The following TPRG1 variants were observed in gnomAD, a reference collection of about 807,000 sequenced individuals.
TPRG1 encodes the protein tumor protein p63 regulated 1.
Under a neutral mutation model 29.3 loss-of-function variants are expected in TPRG1, and 29 were observed. That is an observed-to-expected ratio of 0.99 (90% CI 0.74 to 1.35). The LOEUF (loss-of-function observed/expected upper bound fraction) is 1.35, where lower values mean the gene tolerates loss of function less well. Among genes scored for constraint, TPRG1 ranks in the 40% most tolerant of loss-of-function variants. TPRG1 has a pLI of 0.00. For missense variants in TPRG1, 327 were observed against 335.0 expected, an observed-to-expected ratio of 0.98 and a Z score of 0.19; for synonymous variants, 130 against 116.8, an observed-to-expected ratio of 1.11 and a Z score of -0.73.
intron 1 of TPRG1, among the ~76,000 whole-genome samples, chr3:189,105,122 G>A (rs73053445): frequency 0.021 from 3,126 of 152,228 alleles, 101 homozygotes; most frequent in African/African-American, 0.071. Context: ...ACAACTCTCT[G>A]ATGTTGGTGT....
At chr3:189,227,166 A>G (rs1028965323) in intron 3 of TPRG1, among the ~76,000 whole-genome samples, 6 of 152,048 alleles carry the variant, frequency 3.9e-5, no homozygotes, top group Non-Finnish European at 7.4e-5. Context: ...AAAAGAAAAA[A>G]AAGAAAAAAA....
At chr3:189,197,948 C>T (rs1206641117) in intron 1 of TPRG1, among the ~76,000 whole-genome samples, 1 of 152,200 alleles carries the variant, frequency 6.6e-6, no homozygotes, top group Non-Finnish European at 1.5e-5. Context: ...GGAATATTTA[C>T]AGTGCCAAGG....
chr3:189,084,007 T>G (rs1717773110), intron 4 of TPRG1, among the ~76,000 whole-genome samples: 1 of 152,036 alleles, frequency 6.6e-6, no homozygotes, highest in African/African-American at 2.4e-5. Context: ...GTGAAACGGC[T>G]GGGCGTGGTG....
intron 3 of TPRG1, among the ~76,000 whole-genome samples, chr3:189,013,369 C>T (rs137862525): frequency 8.0e-4 from 122 of 152,224 alleles, no homozygotes; most frequent in East Asian, 6.2e-3. Context: ...TTTGATTGTG[C>T]TGTGGTCCAG....
intron 4 of TPRG1, among the ~76,000 whole-genome samples, chr3:189,250,969 A>T (rs1471635628): frequency 1.3e-5 from 2 of 151,914 alleles, no homozygotes; most frequent in Non-Finnish European, 2.9e-5. Context: ...GCGGGCCTTA[A>T]AATCTGTTCT....
intron 4 of TPRG1, among the ~76,000 whole-genome samples, chr3:189,246,844 G>A (rs1458428723): frequency 6.6e-6 from 1 of 152,136 alleles, no homozygotes; most frequent in Non-Finnish European, 1.5e-5. Context: ...CATCTCTGAT[G>A]AGAGGTCCAC....
chr3:189,242,035 A>G (rs987009890), intron 4 of TPRG1, among the ~76,000 whole-genome samples: 1 of 152,114 alleles, frequency 6.6e-6, no homozygotes, highest in African/African-American at 2.4e-5. Context: ...ATAATTATAA[A>G]GTAAATTTCC....
At chr3:189,305,662 C>T (rs895043070) in intron 4 of TPRG1, among the ~76,000 whole-genome samples, 2 of 152,184 alleles carry the variant, frequency 1.3e-5, no homozygotes, top group Middle Eastern at 3.2e-3. Flanking sequence ...CTGAGTGAAA[C>T]ATGTAATTAA....
chr3:189,009,192 A>T (rs192075835), intron 3 of TPRG1, among the ~76,000 whole-genome samples: 1 of 152,222 alleles, frequency 6.6e-6, no homozygotes, highest in East Asian at 1.9e-4. Context: ...CCGGCTGGCT[A>T]TGAGAGCTAC....
intron 3 of TPRG1, among the ~76,000 whole-genome samples, chr3:189,020,365 A>C: frequency 6.6e-6 from 1 of 151,744 alleles, no homozygotes; most frequent in Non-Finnish European, 1.5e-5. Context: ...TCTTGTGGGC[A>C]TTTAGTGCTA....
intron 4 of TPRG1, among the ~76,000 whole-genome samples, chr3:189,061,079 T>C (rs1159328704): frequency 1.3e-5 from 2 of 152,218 alleles, no homozygotes; most frequent in East Asian, 3.8e-4. Flanking sequence ...AACAGCATGA[T>C]ACTGGTATGA....
intron 1 of TPRG1, among the ~76,000 whole-genome samples, chr3:189,108,031 A>G (rs1041747448): frequency 6.6e-6 from 1 of 152,174 alleles, no homozygotes; most frequent in Non-Finnish European, 1.5e-5. Context: ...TCTATTTGCT[A>G]CTTGGATACT....
At chr3:189,319,959 G>T (rs1487272253) in intron 5 of TPRG1, among the ~76,000 whole-genome samples, 2 of 151,922 alleles carry the variant, frequency 1.3e-5, no homozygotes, top group African/African-American at 4.8e-5. Flanking sequence ...CTTTTTCATT[G>T]TATGGGTCTC....
intron 4 of TPRG1, among the ~76,000 whole-genome samples, chr3:189,251,245 G>C (rs1742204078): frequency 6.6e-6 from 1 of 151,996 alleles, no homozygotes; most frequent in Non-Finnish European, 1.5e-5. Flanking sequence ...TCCATATACT[G>C]GTACTTAATA....
intron 4 of TPRG1, among the ~76,000 whole-genome samples, chr3:189,272,682 C>CCTTTCTTTCTTT (rs58830987): frequency 2.1e-5 from 3 of 140,120 alleles, no homozygotes; most frequent in South Asian, 2.2e-4. Flanking sequence ...TCCTTTCTTT[C>CCTTTCTTTCTTT]CTTTCTTTCT....
intron 4 of TPRG1, among the ~76,000 whole-genome samples, chr3:189,253,677 C>A (rs933152148): frequency 6.6e-6 from 1 of 152,200 alleles, no homozygotes; most frequent in Admixed American, 6.5e-5. Flanking sequence ...AATTGCCACA[C>A]TGTCTTCCAC....
chr3:189,145,540 A>C (rs1725155030), intron 3 of TPRG1, among the ~76,000 whole-genome samples: 1 of 152,156 alleles, frequency 6.6e-6, no homozygotes. Flanking sequence ...TACTGTTTCT[A>C]AGAGTTCAGT....
At chr3:189,072,151 T>C (rs1475794820) in intron 4 of TPRG1, among the ~76,000 whole-genome samples, 1 of 152,174 alleles carries the variant, frequency 6.6e-6, no homozygotes, top group Non-Finnish European at 1.5e-5. Context: ...GCATAATAAA[T>C]GGGCCCATCA....
chr3:189,236,515 G>T (rs1181769300), intron 3 of TPRG1, among the ~76,000 whole-genome samples: 1 of 152,152 alleles, frequency 6.6e-6, no homozygotes, highest in African/African-American at 2.4e-5. Context: ...AGTGGAGGAG[G>T]AGGAGGTGAC....
Sources: gnomAD v4.1 joint callset for allele counts (sites outside exome capture counted in the v4.1 genomes callset) on GRCh38, gnomAD v4.1.1 for gene constraint, MANE v1.5 for transcripts, NCBI Gene and HGNC (gene_info 2026-07-23, HGNC 2026-07-21) for gene names.